Variants in LRP1B observed in about 807,000 individuals in gnomAD.
LRP1B encodes the protein low-density lipoprotein receptor-related protein 1B.
Under a neutral mutation model 556.6 loss-of-function variants are expected in LRP1B, and 217 were observed. The observed-to-expected ratio is 0.39, with a 90% CI of 0.35 to 0.44. The LOEUF is 0.44. Ranked by LOEUF, LRP1B falls within the 20% of genes least tolerant of loss-of-function variation. LRP1B has a pLI of 1.00. For synonymous variants in LRP1B, 2,047 were observed against 1,865.8 expected, an observed-to-expected ratio of 1.10 and a Z score of -2.50; for missense variants, 5,053 against 5,620.8, an observed-to-expected ratio of 0.90 and a Z score of 3.23.
At chr2:140,928,517 G>A (rs1694953549) in intron 20 of LRP1B, among the ~76,000 whole-genome samples, 1 of 152,062 alleles carries the variant, frequency 6.6e-6, no homozygotes, top group South Asian at 2.1e-4. Flanking sequence ...GTTCTGGATG[G>A]CCTCATATCT....
intron 1 of LRP1B, among the ~76,000 whole-genome samples, chr2:141,832,761 T>C (rs1371072727): frequency 6.6e-6 from 1 of 151,844 alleles, no homozygotes; most frequent in Non-Finnish European, 1.5e-5. Context: ...GTCAACCTTG[T>C]CAAATATTTA....
chr2:141,262,171 G>A (rs1684715989), intron 3 of LRP1B, among the ~76,000 whole-genome samples: 1 of 151,728 alleles, frequency 6.6e-6, no homozygotes, highest in East Asian at 1.9e-4. Flanking sequence ...GTGCTTATTA[G>A]CTAGTCATAT....
intron 3 of LRP1B, among the ~76,000 whole-genome samples, chr2:141,334,373 G>T (rs1687769508): frequency 6.6e-6 from 1 of 152,242 alleles, no homozygotes; most frequent in Non-Finnish European, 1.5e-5. Flanking sequence ...CTCTAGCAAT[G>T]TAAAGACGTC....
At chr2:141,352,484 T>G (rs1212377156) in intron 3 of LRP1B, among the ~76,000 whole-genome samples, 1 of 151,966 alleles carries the variant, frequency 6.6e-6, no homozygotes, top group African/African-American at 2.4e-5. Context: ...TGTCAACATC[T>G]TATATAACCA....
intron 39 of LRP1B, 32 bp from the exon 40 acceptor site, chr2:140,701,877 A>G (rs749186221): frequency 2.3e-5 from 37 of 1,611,414 alleles, no homozygotes; most frequent in Non-Finnish European, 2.9e-5. Context: ...ATGATCAACA[A>G]TCTTCGACTA....
At chr2:140,652,947 C>CA (rs1448901616) in intron 41 of LRP1B, among the ~76,000 whole-genome samples, 11 of 151,758 alleles carry the variant, frequency 7.2e-5, no homozygotes, top group Non-Finnish European at 1.3e-4. Flanking sequence ...AAAATAAATA[C>CA]AAAAAATCTT....
chr2:141,908,774 C>T (rs1301157422), intron 1 of LRP1B, among the ~76,000 whole-genome samples: 1 of 151,918 alleles, frequency 6.6e-6, no homozygotes, highest in Non-Finnish European at 1.5e-5. Flanking sequence ...CTGAAAGAGT[C>T]GTAATGATTT....
chr2:140,619,715 T>C (rs1683385954), intron 41 of LRP1B, among the ~76,000 whole-genome samples: 3 of 152,190 alleles, frequency 2.0e-5, no homozygotes, highest in Admixed American at 1.3e-4. Context: ...AGAAGCACTA[T>C]GGAAATAAAT....
chr2:141,587,022 T>G (rs576994883), intron 2 of LRP1B, among the ~76,000 whole-genome samples: 121 of 150,696 alleles, frequency 8.0e-4, no homozygotes, highest in Non-Finnish European at 1.5e-3. Flanking sequence ...ATGTAAAACA[T>G]TATCCATTTG....
At chr2:142,052,177 T>TA (rs151235599) in intron 1 of LRP1B, among the ~76,000 whole-genome samples, 3,080 of 148,894 alleles carry the variant, frequency 0.021, 102 homozygotes, top group African/African-American at 0.067. Flanking sequence ...TATGGCAAGT[T>TA]AAAAAAAAAA....
In LRP1B at chr2:140,959,310, A is replaced by G. The variant is rs567243076; in HGVS notation, c.2888-7370T>C. The stretch of plus-strand genomic sequence containing the variant: ...AAGAGGGAAAATGTTGAACATACAT[A>G]CATAAATATTGATAGGAAGAAACTA... On this transcript the variant is annotated intron_variant, in intron 18 of 90. Coordinates refer to ENST00000389484, the MANE Select transcript of LRP1B (RefSeq NM_018557.3). 4.0e-5 allele frequency among the ~76,000 whole-genome samples: 6 copies of G among 151,796 alleles called. No individual in the cohort carries two copies. The South Asian group carries it at 1.2e-3, about 31-fold the overall frequency.
chr2:140,785,975 C>T (rs1275561663), intron 32 of LRP1B, among the ~76,000 whole-genome samples: 11 of 152,126 alleles, frequency 7.2e-5, no homozygotes, highest in African/African-American at 2.7e-4. Context: ...TCCTCATCTT[C>T]CCCGTAGAAA....
At chr2:140,596,850 A>G (rs1574123388) in intron 43 of LRP1B, among the ~76,000 whole-genome samples, 1 of 152,102 alleles carries the variant, frequency 6.6e-6, no homozygotes, top group African/African-American at 2.4e-5. Context: ...AATGCCTTCC[A>G]CGGGGAGGGC....
chr2:141,980,614 C>T (rs2105094015), intron 1 of LRP1B, among the ~76,000 whole-genome samples: 1 of 152,138 alleles, frequency 6.6e-6, no homozygotes, highest in African/African-American at 2.4e-5. Flanking sequence ...AACCAAGGAT[C>T]ACAAACCAGA....
chr2:140,457,602 G>A lies in LRP1B; in HGVS notation c.9675C>T (p.Asp3225=), dbSNP rs886356783. ...TTTTCCCATCAGTCCAGTAGATGTAGTCTTCAAACAATGTTAGTGCAATCA... is the reference window on the plus strand; with the variant it reads ...TTTTCCCATCAGTCCAGTAGATGTAATCTTCAAACAATGTTAGTGCAATCA... ...PGVIALTLFE[D]YIYWTDGKTK... Residue 3225 remains aspartate (D), a synonymous_variant, in exon 61 of 91, where the codon GAC becomes GAT. Coordinates refer to ENST00000389484, the MANE Select transcript of LRP1B (RefSeq NM_018557.3). 6.2e-7 allele frequency: 1 copy of A among 1,613,726 alleles called. No individual in the cohort carries two copies. The highest frequency in any genetic ancestry group is 1.3e-5 in the African/African-American group (1 of 74,996).
intron 21 of LRP1B, among the ~76,000 whole-genome samples, chr2:140,915,300 C>T (rs1694541499): frequency 6.6e-6 from 1 of 151,772 alleles, no homozygotes; most frequent in Non-Finnish European, 1.5e-5. Context: ...AAATAGAAGA[C>T]CAAACAAGAA....
At chr2:141,859,122 A>G (rs1438933245) in intron 1 of LRP1B, among the ~76,000 whole-genome samples, 1 of 152,208 alleles carries the variant, frequency 6.6e-6, no homozygotes, top group African/African-American at 2.4e-5. Flanking sequence ...TACTAAAAAC[A>G]AAACAAAATA....
At chr2:141,320,322 G>T (rs954841890) in intron 3 of LRP1B, among the ~76,000 whole-genome samples, 1 of 151,892 alleles carries the variant, frequency 6.6e-6, no homozygotes, top group African/African-American at 2.4e-5. Context: ...TCATGAGTGC[G>T]CAGTAAGGAA....
chr2:140,981,450 T>G (rs984141526), intron 18 of LRP1B, among the ~76,000 whole-genome samples: 2 of 152,086 alleles, frequency 1.3e-5, no homozygotes, highest in East Asian at 3.9e-4. Context: ...AAAGCACAAG[T>G]CTTAGAAAGC....
Sources: gnomAD v4.1 joint callset for allele counts (sites outside exome capture counted in the v4.1 genomes callset) on GRCh38, gnomAD v4.1.1 for gene constraint, MANE v1.5 for transcripts, NCBI Gene and HGNC (gene_info 2026-07-23, HGNC 2026-07-21) for gene names.